Variants in MTAP observed in about 807,000 individuals in gnomAD.
The protein encoded by MTAP is methylthioadenosine phosphorylase.
A neutral mutation model predicts 33.6 loss-of-function variants in MTAP; 33 were observed. The ratio of observed to expected loss-of-function variants is 0.98; its 90% CI spans 0.74 to 1.31. The LOEUF (loss-of-function observed/expected upper bound fraction) is 1.31. Ranked by LOEUF, MTAP falls within the 40% of genes most tolerant of loss-of-function variation. The pLI, the probability that MTAP is intolerant of heterozygous loss-of-function variation, is 0.00. For missense variants in MTAP, 367 were observed against 360.0 expected (o/e 1.02, Z -0.16); for synonymous variants, 148 against 125.7 (o/e 1.18, Z -1.19).
chr9:21,817,643 G>A (rs1824516890), intron 3 of MTAP, among the ~76,000 whole-genome samples: 1 of 152,042 alleles, frequency 6.6e-6, no homozygotes, highest in South Asian at 2.1e-4. Flanking sequence ...TGGTTAAGCT[G>A]TACCTTGCAA....
At chr9:21,911,793 A>T (rs1818581356) in intron 1 of MTAP, among the ~76,000 whole-genome samples, 1 of 152,168 alleles carries the variant, frequency 6.6e-6, no homozygotes, top group Non-Finnish European at 1.5e-5. Flanking sequence ...GCAGAACTGA[A>T]GGAGATAGAG....
At chr9:21,836,434 G>A (rs947559329) in intron 4 of MTAP, among the ~76,000 whole-genome samples, 1 of 152,162 alleles carries the variant, frequency 6.6e-6, no homozygotes, top group Admixed American at 6.5e-5. Flanking sequence ...GATGGGCAGA[G>A]GTAGATGAAA....
intron 1 of MTAP, among the ~76,000 whole-genome samples, chr9:21,891,007 C>T (rs1276772390): frequency 3.9e-5 from 6 of 152,040 alleles, no homozygotes; most frequent in African/African-American, 7.2e-5. Flanking sequence ...TGATAGTTGC[C>T]GTGAGACTTT....
chr9:21,829,768 G>A (rs938195649), intron 4 of MTAP, among the ~76,000 whole-genome samples: 1 of 152,174 alleles, frequency 6.6e-6, no homozygotes, highest in Non-Finnish European at 1.5e-5. Flanking sequence ...TGAGCAGGGC[G>A]GGGGGACCAA....
At chr9:21,924,711 C>T (rs888340536) in intron 1 of MTAP, among the ~76,000 whole-genome samples, 1 of 152,022 alleles carries the variant, frequency 6.6e-6, no homozygotes, top group Non-Finnish European at 1.5e-5. Flanking sequence ...ATCCAAGTCT[C>T]CTGGCCCTGG....
At position 21,818,089 on chromosome 9, in the gene MTAP, C is replaced by T; in HGVS notation, c.234C>T (p.Ile78=). The T allele has an allele frequency of 1.2e-6, 2 of 1,613,828 alleles. No homozygotes were observed. Among genetic ancestry groups the T allele is most frequent in the Non-Finnish European group, 1.7e-6 (2 of 1,179,942 alleles). ...CAAAGGTCAACTACCAGGCGAACATCTGGGCTTTGAAGGAAGAGGGCTGTA... is the reference window on the plus strand; with the variant it reads ...CAAAGGTCAACTACCAGGCGAACATTTGGGCTTTGAAGGAAGAGGGCTGTA... ...MPSKVNYQAN[I]WALKEEGCTH... The change falls in exon 4 of 8, where the codon ATC becomes ATT. Residue 78 remains isoleucine (I), a synonymous_variant. Coordinates refer to ENST00000644715, the MANE Select transcript of MTAP (RefSeq NM_002451.4).
rs201125917 is a variant in MTAP at position 21,814,169 on chromosome 9, CT to C, written c.34-1262del. Among the ~76,000 whole-genome samples, 192 of 152,204 alleles carry C rather than the reference CT, an allele frequency of 1.3e-3. 3 individuals carry two copies. In the East Asian group the frequency reaches 0.031, roughly 25 times the overall value. The stretch of plus-strand genomic sequence containing the variant: ...TCAGTAAAAACCTCACTAAATTGTC[CT>C]TATTTTCTTGTTTGTTTTTTGTTGT... On this transcript the variant is annotated intron_variant, in intron 1 of 7. Transcript: ENST00000644715.
intron 4 of MTAP, among the ~76,000 whole-genome samples, chr9:21,832,225 C>G (rs1328882724): frequency 6.6e-6 from 1 of 152,228 alleles, no homozygotes; most frequent in African/African-American, 2.4e-5. Context: ...CAGTCTGTTT[C>G]CTTCTCCCAG....
Position 21,862,974 on chromosome 9 carries a change from T to C in MTAP, c.*960T>C. On this transcript the variant is annotated 3_prime_UTR_variant, in exon 8 of 8. Transcript: ENST00000644715. ...CAGTTCTTGAAAACACTGTTTCTGG[T>C]AATGAAGCAGAATTTAAGTTGGTAA... The C allele has an allele frequency of 2.0e-6, 2 of 984,184 alleles. No individual in the cohort carries two copies. The highest frequency in any genetic ancestry group is 3.5e-5 in the African/African-American group (2 of 57,328). 61.0% of individuals were successfully genotyped at this position (984,184 alleles called of 1,614,324 possible).
intron 1 of MTAP, among the ~76,000 whole-genome samples, chr9:21,884,963 C>A (rs1371058478): frequency 2.6e-5 from 4 of 152,164 alleles, no homozygotes; most frequent in Admixed American, 2.6e-4. Context: ...CAGGATTTTA[C>A]TAACCTTTAG....
chr9:21,939,058 T>C (rs1025388788), downstream of MTAP, among the ~76,000 whole-genome samples: 3 of 152,292 alleles, frequency 2.0e-5, no homozygotes, highest in East Asian at 5.8e-4. Context: ...TCATGGAGTC[T>C]GGTCTTTCCC....
chr9:21,820,612 T>C (rs954467244), intron 4 of MTAP, among the ~76,000 whole-genome samples: 3 of 152,204 alleles, frequency 2.0e-5, no homozygotes, highest in Non-Finnish European at 4.4e-5. Flanking sequence ...TAGGATTGTC[T>C]TGGCAATGTT....
At chr9:21,938,789 T>A (rs1001848850), downstream of MTAP, among the ~76,000 whole-genome samples, 2 of 152,222 alleles carry the variant, frequency 1.3e-5, no homozygotes, top group African/African-American at 4.8e-5. Context: ...AAATGCTTTG[T>A]TTGCAGGAAG....
Position 21,854,834 on chromosome 9 carries a change from G to A in MTAP, c.654G>A (p.Ala218=), listed in dbSNP as rs772034103. ...TTTGTTACGCAAGTATCGCCATGGC[G>A]ACAGATTATGACTGCTGGAAGGAGC... ...AGICYASIAM[A]TDYDCWKEHE... Residue 218 remains alanine, a synonymous_variant, in exon 6 of 8, where the codon GCG becomes GCA. Coordinates refer to ENST00000644715, the MANE Select transcript of MTAP (RefSeq NM_002451.4). 11 of 1,614,008 alleles carry A rather than the reference G, an allele frequency of 6.8e-6. No individual in the cohort carries two copies. The highest frequency in any genetic ancestry group is 3.3e-5 in the South Asian group (3 of 91,078).
In MTAP at chr9:21,915,011, C is replaced by T. The variant is rs1181333572; in HGVS notation, c.148-15997C>T. Among the ~76,000 whole-genome samples, 730 of 73,842 alleles carry T rather than the reference C, an allele frequency of 9.9e-3. 41 individuals carry two copies. Among genetic ancestry groups the T allele is most frequent in the African/African-American group, 0.061 (686 of 11,240 alleles). 48.4% of individuals were successfully genotyped at this position (73,842 alleles called of 152,430 possible). On this transcript the variant is annotated intron_variant, in intron 1 of 1. Transcript: ENST00000577563. ...AATACTTTGTTTTCTTTCCTTCCTTCCTTCCTTCCTTCCTTCCTTCCTTCC... is the reference window on the plus strand; with the variant it reads ...AATACTTTGTTTTCTTTCCTTCCTTTCTTCCTTCCTTCCTTCCTTCCTTCC...
At chr9:21,936,287 A>G (rs547541261) in exon 8 of MTAP, 1 of 152,322 alleles carries the variant, frequency 6.6e-6, no homozygotes, top group African/African-American at 2.4e-5. Context: ...GGCATTCCAC[A>G]TTGGAGGCCA....
chr9:21,843,245 G>C (rs1341416437), intron 5 of MTAP, among the ~76,000 whole-genome samples: 1 of 152,028 alleles, frequency 6.6e-6, no homozygotes, highest in Non-Finnish European at 1.5e-5. Flanking sequence ...CTTAACACTT[G>C]AGCTCCCAAA....
intron 1 of MTAP, among the ~76,000 whole-genome samples, chr9:21,874,694 CTTTTTTT>C (rs10713371): frequency 7.2e-6 from 1 of 139,724 alleles, no homozygotes; most frequent in Non-Finnish European, 1.6e-5. Flanking sequence ...AATCATTTTT[CTTTTTTT>C]TTTTTTTTAA....
chr9:21,874,799 C>T (rs1825982410), intron 1 of MTAP, among the ~76,000 whole-genome samples: 2 of 151,118 alleles, frequency 1.3e-5, no homozygotes, highest in South Asian at 4.2e-4. Context: ...CTGTAACCAT[C>T]AACCCGTCAT....
Sources: gnomAD v4.1 joint callset for allele counts (sites outside exome capture counted in the v4.1 genomes callset) on GRCh38, gnomAD v4.1.1 for gene constraint, MANE v1.5 for transcripts, NCBI Gene and HGNC (gene_info 2026-07-23, HGNC 2026-07-21) for gene names.